STXBP4: variants seen among roughly 807,000 people sequenced by gnomAD.
STXBP4 encodes the protein syntaxin binding protein 4.
STXBP4 carries 55 observed loss-of-function variants against 76.1 expected under a neutral mutation model. That is an observed-to-expected ratio of 0.72 (90% CI 0.58 to 0.91). The LOEUF (loss-of-function observed/expected upper bound fraction) is 0.91. Among genes scored for constraint, STXBP4 ranks in the 40% least tolerant of loss-of-function variants. STXBP4 has a pLI of 0.00. For missense variants in STXBP4, 618 were observed against 636.9 expected (o/e 0.97, Z 0.32); for synonymous variants, 201 against 220.2 (o/e 0.91, Z 0.77).
At chr17:55,105,868 T>C (rs1452306413) in intron 16 of STXBP4, among the ~76,000 whole-genome samples, 3 of 152,208 alleles carry the variant, frequency 2.0e-5, no homozygotes, top group Non-Finnish European at 2.9e-5. Flanking sequence ...AGGAGTGTTT[T>C]ACTTCTGTTT....
At chr17:54,994,050 G>A (rs2077760288) in intron 4 of STXBP4, among the ~76,000 whole-genome samples, 1 of 152,114 alleles carries the variant, frequency 6.6e-6, no homozygotes, top group Admixed American at 6.5e-5. Flanking sequence ...CATATCCAGA[G>A]TTCAAATATG....
intron 6 of STXBP4, 26 bp downstream of exon 6, chr17:54,999,868 C>G: frequency 6.8e-7 from 1 of 1,466,906 alleles, no homozygotes; most frequent in Non-Finnish European, 9.5e-7. Context: ...TTAAATTTCT[C>G]TATATATGCA....
At chr17:55,181,306 A>G in the STXBP4 span, among the ~76,000 whole-genome samples, 1 of 152,208 alleles carries the variant, frequency 6.6e-6, no homozygotes, top group Non-Finnish European at 1.5e-5. Flanking sequence ...ATAGGTACAA[A>G]TTTTTTAAAT....
At chr17:55,043,502 T>C (rs1283543031) in intron 11 of STXBP4, 177 bp downstream of exon 11, 2 of 959,376 alleles carry the variant, frequency 2.1e-6, no homozygotes, top group African/African-American at 3.4e-5. Context: ...TAATTTTTGG[T>C]CTACATATTT....
chr17:55,021,063 G>A (rs909482289), intron 8 of STXBP4, among the ~76,000 whole-genome samples: 1 of 151,960 alleles, frequency 6.6e-6, no homozygotes, highest in Non-Finnish European at 1.5e-5. Context: ...CCAGACCTAA[G>A]GAAGACATAT....
At chr17:55,192,265 A>G in the STXBP4 span, among the ~76,000 whole-genome samples, 1 of 152,172 alleles carries the variant, frequency 6.6e-6, no homozygotes, top group Admixed American at 6.5e-5. Flanking sequence ...TGGCTTTTCC[A>G]ATACTACATC....
chr17:55,114,604 A>G (rs552040976), intron 16 of STXBP4, among the ~76,000 whole-genome samples: 42 of 152,152 alleles, frequency 2.8e-4, no homozygotes, highest in Non-Finnish European at 5.0e-4. Flanking sequence ...CAAAATTCCT[A>G]TGGAAAACAG....
intron 16 of STXBP4, among the ~76,000 whole-genome samples, chr17:55,084,807 T>C (rs181286011): frequency 2.6e-4 from 40 of 152,202 alleles, no homozygotes; most frequent in Admixed American, 2.6e-3. Flanking sequence ...TGCGGCGTTA[T>C]TTCTGAGGGC....
At chr17:54,974,840 CAA>C (rs71159277) in intron 1 of STXBP4, among the ~76,000 whole-genome samples, 117,510 of 152,072 alleles carry the variant, frequency 0.77, 46,145 homozygotes, top group African/African-American at 0.91. Context: ...GGCAGTTTTG[CAA>C]ACTCATAGTT....
At chr17:55,137,282 TC>T (rs2080041929) in intron 16 of STXBP4, among the ~76,000 whole-genome samples, 1 of 112,996 alleles carries the variant, frequency 8.8e-6, no homozygotes, top group Non-Finnish European at 1.8e-5. Flanking sequence ...GTTCCCTCCC[TC>T]CCTCCCTCCC....
At chr17:55,003,006 A>AAAAACTAGT (rs755681952) in intron 7 of STXBP4, among the ~76,000 whole-genome samples, 2 of 152,210 alleles carry the variant, frequency 1.3e-5, no homozygotes, top group Non-Finnish European at 2.9e-5. Context: ...CCTTGACCCC[A>AAAAACTAGT]AAAACTAGTA....
chr17:55,094,239 A>T lies in STXBP4; in HGVS notation c.1489+13056A>T, dbSNP rs115567470. Among the ~76,000 whole-genome samples, 11 of 151,270 alleles carry T rather than the reference A, an allele frequency of 7.3e-5. No individual in the cohort carries two copies. The East Asian group carries it at 1.2e-3, about 16-fold the overall frequency. ...GGAGAACAGCATGCGATAAGGGTGGATATGTAGCAAGAAGCCAGATAATAC... is the reference window on the plus strand; with the variant it reads ...GGAGAACAGCATGCGATAAGGGTGGTTATGTAGCAAGAAGCCAGATAATAC... On this transcript the variant is annotated intron_variant, in intron 16 of 17. Transcript: ENST00000376352.
chr17:55,081,267 G>C (rs1473528560), intron 16 of STXBP4, 84 bp downstream of exon 16: 8 of 1,150,546 alleles, frequency 7.0e-6, no homozygotes, highest in Non-Finnish European at 9.1e-6. Flanking sequence ...TTTCGTTATA[G>C]TGGCTTGCCT....
At chr17:55,029,004 A>G (rs1460510152) in intron 8 of STXBP4, among the ~76,000 whole-genome samples, 1 of 152,032 alleles carries the variant, frequency 6.6e-6, no homozygotes, top group Non-Finnish European at 1.5e-5. Flanking sequence ...ATGTAGAGAA[A>G]TTTTCACACA....
intron 1 of STXBP4, among the ~76,000 whole-genome samples, chr17:54,981,824 A>C (rs1197457203): frequency 6.6e-6 from 1 of 152,202 alleles, no homozygotes; most frequent in Non-Finnish European, 1.5e-5. Context: ...AACTCCTAGA[A>C]ACTGAACAGA....
At chr17:55,087,135 T>G (rs907635357) in intron 16 of STXBP4, among the ~76,000 whole-genome samples, 1 of 152,078 alleles carries the variant, frequency 6.6e-6, no homozygotes, top group Non-Finnish European at 1.5e-5. Context: ...GTTGGTTTTC[T>G]GCTAGTAGTT....
chr17:54,978,682 A>T (rs886642395), intron 1 of STXBP4, among the ~76,000 whole-genome samples: 2 of 152,190 alleles, frequency 1.3e-5, no homozygotes, highest in African/African-American at 4.8e-5. Context: ...AACTTTTTTG[A>T]TATTTTTCCT....
intron 16 of STXBP4, among the ~76,000 whole-genome samples, chr17:55,096,185 T>C (rs2079484164): frequency 6.6e-6 from 1 of 152,138 alleles, no homozygotes; most frequent in South Asian, 2.1e-4. Flanking sequence ...TAGACAAGGT[T>C]CATGCTGTTG....
chr17:55,110,390 A>G (rs148445276), intron 16 of STXBP4, among the ~76,000 whole-genome samples: 2 of 152,296 alleles, frequency 1.3e-5, no homozygotes, highest in East Asian at 3.9e-4. Flanking sequence ...TCTGCCTATC[A>G]CAGAGAGTTA....
Sources: gnomAD v4.1 joint callset for allele counts (sites outside exome capture counted in the v4.1 genomes callset) on GRCh38, gnomAD v4.1.1 for gene constraint, MANE v1.5 for transcripts, NCBI Gene and HGNC (gene_info 2026-07-23, HGNC 2026-07-21) for gene names.